The following ANKRD36 variants were observed in gnomAD, a reference collection of about 807,000 sequenced individuals.
The protein encoded by ANKRD36 is ankyrin repeat domain 36.
In ANKRD36, 179 loss-of-function variants were observed where a neutral mutation model predicts 278.1. The observed-to-expected ratio is 0.64, with a 90% CI of 0.57 to 0.73. The LOEUF (loss-of-function observed/expected upper bound fraction) is 0.73. Among genes scored for constraint, ANKRD36 ranks in the 30% least tolerant of loss-of-function variants. ANKRD36 has a pLI of 0.00. For missense variants in ANKRD36, 1,159 were observed against 1,956.7 expected (o/e 0.59, Z 7.69); for synonymous variants, 320 against 641.1 (o/e 0.50, Z 7.57).
chr2:97,138,122 CG>C (rs373757059), intron 6 of ANKRD36, among the ~76,000 whole-genome samples: 5,979 of 151,960 alleles, frequency 0.039, 189 homozygotes, highest in Non-Finnish European at 0.06. Flanking sequence ...AAGAAATAAA[CG>C]GTATTCAAAT....
intron 10 of ANKRD36, 65 bp from the exon 11 acceptor site, chr2:97,146,421 A>C (rs1453881767): frequency 1.5e-6 from 2 of 1,322,344 alleles, no homozygotes; most frequent in Admixed American, 4.9e-5. Flanking sequence ...GTGCTCTTTT[A>C]TGTTTTTAAT....
At chr2:97,177,700 G>A (rs200885547) in intron 22 of ANKRD36, among the ~76,000 whole-genome samples, 10 of 151,562 alleles carry the variant, frequency 6.6e-5, no homozygotes, top group African/African-American at 1.2e-4. Flanking sequence ...AGACTTAAAC[G>A]TTAGACCTAA....
At chr2:97,214,071 A>T (rs1250167474) in intron 60 of ANKRD36, among the ~76,000 whole-genome samples, 1 of 151,166 alleles carries the variant, frequency 6.6e-6, no homozygotes, top group Non-Finnish European at 1.5e-5. Flanking sequence ...TTCCCAAGGA[A>T]GAGGGATTGT....
chr2:97,133,060 T>C (rs1488234149), intron 6 of ANKRD36, among the ~76,000 whole-genome samples: 2 of 152,080 alleles, frequency 1.3e-5, no homozygotes, highest in Admixed American at 6.6e-5. Context: ...GAGCTACTTT[T>C]CTCAGGAAAT....
chr2:97,250,468 A>G (rs1372444921), intron 75 of ANKRD36, among the ~76,000 whole-genome samples: 3 of 129,594 alleles, frequency 2.3e-5, no homozygotes, highest in Non-Finnish European at 4.6e-5. Context: ...ATCAGCCTGC[A>G]CACTGAAACT....
chr2:97,180,152 G>A (rs2055720112), intron 24 of ANKRD36, among the ~76,000 whole-genome samples: 2 of 151,548 alleles, frequency 1.3e-5, no homozygotes, highest in Admixed American at 6.6e-5. Context: ...TTGAAATTGG[G>A]AAGAAAAACC....
chr2:97,198,302 G>A (rs1374134726), intron 42 of ANKRD36, among the ~76,000 whole-genome samples, 161 bp from the exon 43 acceptor site: 7 of 151,924 alleles, frequency 4.6e-5, no homozygotes, highest in African/African-American at 7.2e-5. Flanking sequence ...TTTTCTCAGC[G>A]TATTTCTGTC....
chr2:97,201,189 C>G (rs1171765808), intron 46 of ANKRD36, among the ~76,000 whole-genome samples: 2 of 151,880 alleles, frequency 1.3e-5, no homozygotes, highest in Non-Finnish European at 2.9e-5. Flanking sequence ...CTCTTTGTTA[C>G]TACTAGGCAT....
At chr2:97,169,787 C>A (rs2153515178) in intron 22 of ANKRD36, among the ~76,000 whole-genome samples, 1 of 152,368 alleles carries the variant, frequency 6.6e-6, no homozygotes, top group Non-Finnish European at 1.5e-5. Context: ...AGAGAGGACA[C>A]AAACAAATGG....
intron 54 of ANKRD36, 147 bp downstream of exon 54, chr2:97,208,153 G>A: frequency 2.2e-6 from 2 of 898,122 alleles, no homozygotes; most frequent in East Asian, 5.3e-5. Context: ...GTTCTTGGGT[G>A]ATGCTGATGC....
At chr2:97,192,428 AG>A (rs1222538485) in intron 36 of ANKRD36, among the ~76,000 whole-genome samples, 2 of 151,756 alleles carry the variant, frequency 1.3e-5, no homozygotes, top group Non-Finnish European at 2.9e-5. Flanking sequence ...GGCAAGTTAA[AG>A]AGCATGATGA....
intron 66 of ANKRD36, among the ~76,000 whole-genome samples, chr2:97,224,531 G>A (rs2068765737): frequency 2.6e-5 from 4 of 151,142 alleles, no homozygotes; most frequent in African/African-American, 9.7e-5. Context: ...CTCACTGCAA[G>A]CTCCACTTCC....
intron 42 of ANKRD36, among the ~76,000 whole-genome samples, chr2:97,197,836 T>A (rs1244405280): frequency 6.6e-6 from 1 of 151,886 alleles, no homozygotes; most frequent in Non-Finnish European, 1.5e-5. Flanking sequence ...TTCGGAAGGC[T>A]AAAGTAGTGG....
At chr2:97,160,004 C>T (rs1445878615) in intron 17 of ANKRD36, among the ~76,000 whole-genome samples, 1 of 152,258 alleles carries the variant, frequency 6.6e-6, no homozygotes, top group Non-Finnish European at 1.5e-5. Context: ...AGGATGGTCT[C>T]GATCTCCTGA....
intron 67 of ANKRD36, among the ~76,000 whole-genome samples, chr2:97,231,003 T>C (rs1471672044): frequency 6.6e-6 from 1 of 152,060 alleles, no homozygotes; most frequent in Non-Finnish European, 1.5e-5. Context: ...TCTGGGAGTT[T>C]TGTCTCAGAG....
At chr2:97,165,224 G>A (rs1373512410) in intron 20 of ANKRD36, among the ~76,000 whole-genome samples, 2 of 152,160 alleles carry the variant, frequency 1.3e-5, no homozygotes, top group Non-Finnish European at 2.9e-5. Context: ...ATTTCACACA[G>A]TGTACATAAT....
chr2:97,187,218 G>T lies in ANKRD36; in HGVS notation c.2062G>T (p.Ala688Ser). 6.2e-7 allele frequency: 1 copy of T among 1,609,752 alleles called. No homozygotes were observed. Among genetic ancestry groups the T allele is most frequent in the Non-Finnish European group, 8.5e-7 (1 of 1,178,716 alleles). The change falls in exon 31 of 76, where the codon GCC (alanine) becomes TCC (serine). Residue 688 changes from alanine to serine, a missense_variant. Physicochemically the swap from Ala to Ser is moderately conservative, Grantham distance 99. Coordinates refer to ENST00000420699, the MANE Select transcript of ANKRD36 (RefSeq NM_001354587.1). ...TTCAGTGTCTTCTCAGAAACAACCA[G>T]CCTTGAAGGTAATTAAACTCTCATT... ...CGTVSSQKQP[A>S]LKATTDEEDS...
chr2:97,186,326 C>G (rs533862326), intron 30 of ANKRD36, among the ~76,000 whole-genome samples: 14 of 150,556 alleles, frequency 9.3e-5, no homozygotes, highest in Non-Finnish European at 1.8e-4. Context: ...TAGTATGATC[C>G]TCCTAACAAG....
intron 1 of ANKRD36, among the ~76,000 whole-genome samples, chr2:97,117,402 C>T (rs1422830206): frequency 1.3e-4 from 20 of 151,896 alleles, no homozygotes; most frequent in Non-Finnish European, 1.5e-4. Context: ...TAAGGCATCA[C>T]GGATTGGGTG....
Sources: allele counts gnomAD v4.1 joint callset (sites outside exome capture counted in the v4.1 genomes callset), GRCh38; gene constraint gnomAD v4.1.1; transcripts MANE v1.5; gene names NCBI Gene and HGNC (gene_info 2026-07-23, HGNC 2026-07-21).